Variants in SLC12A3 observed in about 807,000 individuals in gnomAD.
The protein encoded by SLC12A3 is solute carrier family 12 member 3.
SLC12A3 carries 104 observed loss-of-function variants against 121.0 expected under a neutral mutation model. The ratio of observed to expected loss-of-function variants is 0.86; its 90% CI spans 0.73 to 1.01. The LOEUF is 1.01. Ranked by LOEUF, SLC12A3 falls within the 50% of genes least tolerant of loss-of-function variation. The pLI, the probability that SLC12A3 is intolerant of heterozygous loss-of-function variation, is 0.00. For synonymous variants in SLC12A3, 536 were observed against 533.4 expected (o/e 1.00, Z -0.07); for missense variants, 1,328 against 1,356.3 (o/e 0.98, Z 0.33).
At chr16:56,887,211 T>G (rs2055326806) in intron 17 of SLC12A3, 118 bp downstream of exon 17, 3 of 734,528 alleles carry the variant, frequency 4.1e-6, no homozygotes, top group Middle Eastern at 4.2e-4. Flanking sequence ...GAGCCCCAAC[T>G]TTTTTTTTTT....
chr16:56,904,209 G>A (rs1054090403), intron 24 of SLC12A3, 186 bp from the exon 25 acceptor site: 4 of 608,418 alleles, frequency 6.6e-6, no homozygotes, highest in East Asian at 6.4e-5. Context: ...GGTGAGCTTG[G>A]TGCTCCATTA....
chr16:56,881,083 T>C lies in SLC12A3; in HGVS notation c.1567+830T>C, dbSNP rs370888074. On this transcript the variant is annotated intron_variant, in intron 12 of 25. Transcript: ENST00000563236. ...AGGTGGCCACACCAAGCACGGGCAG[T>C]GGCCATGCTGCAACATGATGTCCCC... Among the ~76,000 whole-genome samples, 6 of 152,094 alleles carry C rather than the reference T, an allele frequency of 3.9e-5. No individual in the cohort carries two copies. The South Asian group carries it at 1.2e-3, about 32-fold the overall frequency.
intron 8 of SLC12A3, among the ~76,000 whole-genome samples, chr16:56,873,370 CTTTCTTTTTTTTTT>C (rs2055124335): frequency 1.0e-5 from 1 of 96,898 alleles, no homozygotes; most frequent in African/African-American, 3.9e-5. Context: ...GTTTCTCTTT[CTTTCTTTTTTTTTT>C]TTTTTTTTTT....
intron 12 of SLC12A3, 22 bp downstream of exon 12, chr16:56,880,275 C>T: frequency 1.9e-6 from 3 of 1,564,722 alleles, no homozygotes; most frequent in South Asian, 2.3e-5. Flanking sequence ...CCAGGGCTCA[C>T]AGGGCCTGGC....
At position 56,870,686 on chromosome 16, in the gene SLC12A3, G is replaced by A. The variant is rs763732776; in HGVS notation, c.802G>A (p.Val268Ile). ...NDIRIIAVVS[V>I]TVLLAISLAG... ...CATCCGCATCATTGCCGTGGTCTCG[G>A]TCACTGTGCTGCTGGCCATCTCCCT... The change falls in exon 6 of 26, where the codon GTC becomes ATC. Residue 268 changes from valine to isoleucine, a missense_variant. Coordinates refer to ENST00000563236, the MANE Select transcript of SLC12A3 (RefSeq NM_001126108.2). 1.2e-6 allele frequency: 2 copies of A among 1,614,038 alleles called. No individual in the cohort carries two copies. The highest frequency in any genetic ancestry group is 1.7e-6 in the Non-Finnish European group (2 of 1,179,902).
chr16:56,878,041 T>TCCCCCCCCCCCCCCCCCCCCCCCCCCC, intron 8 of SLC12A3, 36 bp from the exon 9 acceptor site: 1 of 393,174 alleles, frequency 2.5e-6, no homozygotes, highest in Non-Finnish European at 4.9e-6. Context: ...CCTCTCTCCC[T>TCCCCCCCCCCCCCCCCCCCCCCCCCCC]CCCTCCCTCC....
intron 18 of SLC12A3, 137 bp downstream of exon 18, chr16:56,888,168 A>G (rs540724790): frequency 1.6e-6 from 1 of 640,566 alleles, no homozygotes; most frequent in East Asian, 2.9e-5. Context: ...AGTCCCAGCT[A>G]CTTGGGAGGC....
intron 12 of SLC12A3, 83 bp from the exon 13 acceptor site, chr16:56,882,313 C>T (rs1392272776): frequency 8.7e-7 from 1 of 1,155,254 alleles, no homozygotes; most frequent in African/African-American, 1.5e-5. Flanking sequence ...TCTGGGGTCC[C>T]CCACCCTGGG....
intron 22 of SLC12A3, 45 bp downstream of exon 22, chr16:56,894,687 T>A: frequency 1.4e-6 from 2 of 1,419,540 alleles, no homozygotes; most frequent in South Asian, 1.2e-5. Flanking sequence ...GGGACCAGTG[T>A]CATCTTAGCT....
At chr16:56,867,762 G>A (rs775572662) in intron 2 of SLC12A3, among the ~76,000 whole-genome samples, 1 of 152,200 alleles carries the variant, frequency 6.6e-6, no homozygotes, top group African/African-American at 2.4e-5. Flanking sequence ...TGCCAGAGCC[G>A]GGAACGGCCC....
Position 56,887,113 on chromosome 16 carries a change from C to A in SLC12A3, c.2178+20C>A. 1 of 1,613,760 alleles carries A rather than the reference C, an allele frequency of 6.2e-7. No individual in the cohort carries two copies. Among genetic ancestry groups the A allele is most frequent in the Non-Finnish European group, 8.5e-7 (1 of 1,180,016 alleles). On this transcript the variant is annotated intron_variant, in intron 17 of 25. Transcript: ENST00000563236. ...ATGCAGGTGCCATGGACTGGGGGCT[C>A]CCCTACAGGACTTACGGCTTGGTGG...
intron 24 of SLC12A3, among the ~76,000 whole-genome samples, chr16:56,902,806 C>T (rs576282269): frequency 3.9e-5 from 6 of 151,986 alleles, no homozygotes; most frequent in African/African-American, 4.8e-5. Flanking sequence ...TCCTCTATGC[C>T]GGGTGGAAGA....
intron 12 of SLC12A3, among the ~76,000 whole-genome samples, chr16:56,880,729 G>T (rs1371497428): frequency 6.6e-6 from 1 of 152,136 alleles, no homozygotes; most frequent in Non-Finnish European, 1.5e-5. Flanking sequence ...AGACTCCTTG[G>T]GCTTCAAGGT....
chr16:56,866,794 G>C (rs983467285), intron 1 of SLC12A3, among the ~76,000 whole-genome samples: 2 of 152,134 alleles, frequency 1.3e-5, no homozygotes, highest in Non-Finnish European at 2.9e-5. Context: ...TCTTAGTAGA[G>C]ACAGGGTTTT....
intron 25 of SLC12A3, chr16:56,904,952 T>C (rs1476378803): frequency 3.8e-6 from 1 of 259,944 alleles, no homozygotes; most frequent in Non-Finnish European, 7.6e-6. Flanking sequence ...CCTGGGTGTA[T>C]TAGCCAGGGC....
In SLC12A3 at chr16:56,884,152, C is replaced by T. The variant is rs139395849; in HGVS notation, c.1773C>T (p.Ile591=). ...TCCTCACCTGGTGGGCGGCCCTCAT[C>T]GCCATTGGCGTGGTGCTCTTCCTCC... ...MFLLTWWAAL[I]AIGVVLFLLL... is the part of the protein sequence containing the mutation. Residue 591 remains isoleucine, a synonymous_variant, in exon 14 of 26, where the codon ATC becomes ATT. Transcript: ENST00000563236. 16 of 1,614,090 alleles carry T rather than the reference C, an allele frequency of 9.9e-6. No individual in the cohort carries two copies. Among genetic ancestry groups the T allele is most frequent in the South Asian group, 2.2e-5 (2 of 91,090 alleles).
intron 8 of SLC12A3, among the ~76,000 whole-genome samples, chr16:56,875,418 G>A (rs1433217203): frequency 2.6e-5 from 4 of 152,130 alleles, no homozygotes; most frequent in African/African-American, 9.7e-5. Flanking sequence ...GGAGCTAAGG[G>A]CTTCTTGTTA....
chr16:56,876,557 C>T lies in SLC12A3; in HGVS notation c.1096-1520C>T, dbSNP rs59032517. Among the ~76,000 whole-genome samples the T allele has an allele frequency of 1.3e-3, 204 of 152,338 alleles. 1 individual carries two copies. The highest frequency in any genetic ancestry group is 4.6e-3 in the African/African-American group (193 of 41,576). On this transcript the variant is annotated intron_variant, in intron 8 of 25. Transcript: ENST00000563236. ...AGGGAGAAGAAATTCAACAGCTCCA[C>T]GTCTGGGCCACAGAGGGCACTTGGC...
chr16:56,878,744 G>A (rs1434532483), intron 9 of SLC12A3, among the ~76,000 whole-genome samples: 1 of 152,090 alleles, frequency 6.6e-6, no homozygotes. Context: ...TTCACAAATG[G>A]CCAAGGGACT....
Sources: allele counts gnomAD v4.1 joint callset (sites outside exome capture counted in the v4.1 genomes callset), GRCh38; gene constraint gnomAD v4.1.1; transcripts MANE v1.5; gene names NCBI Gene and HGNC (gene_info 2026-07-23, HGNC 2026-07-21).